The following NALCN variants were observed in gnomAD, a reference collection of about 807,000 sequenced individuals.
NALCN encodes the protein sodium leak channel NALCN.
In NALCN, 111 loss-of-function variants were observed where a neutral mutation model predicts 225.3. The ratio of observed to expected loss-of-function variants is 0.49; its 90% CI spans 0.42 to 0.58. The LOEUF (loss-of-function observed/expected upper bound fraction) is 0.58. NALCN is among the 20% of genes least tolerant of loss of function. The pLI is 0.00. For synonymous variants in NALCN, 764 were observed against 769.0 expected (o/e 0.99, Z 0.11); for missense variants, 1,378 against 2,202.4 (o/e 0.63, Z 7.49).
At chr13:101,151,546 G>A (rs1308498053) in intron 15 of NALCN, among the ~76,000 whole-genome samples, 1 of 152,034 alleles carries the variant, frequency 6.6e-6, no homozygotes, top group Non-Finnish European at 1.5e-5. Flanking sequence ...TTCAATATAG[G>A]AAAAATAACC....
At position 101,379,882 on chromosome 13, in the gene NALCN, T is replaced by C. The variant is rs552895817; in HGVS notation, c.292-1229A>G. Among the ~76,000 whole-genome samples the C allele has an allele frequency of 1.8e-4, 28 of 152,256 alleles. No individual in the cohort carries two copies. The South Asian group carries it at 5.2e-3, about 28-fold the overall frequency. ...AAGACCCAACTATCCTAACTATATA[T>C]GCACTTTACACAGGAACACCCAAAT... On this transcript the variant is annotated intron_variant, in intron 3 of 43. Coordinates refer to ENST00000251127, the MANE Select transcript of NALCN (RefSeq NM_052867.4).
At chr13:101,355,554 T>A (rs2046031380) in intron 6 of NALCN, among the ~76,000 whole-genome samples, 1 of 152,046 alleles carries the variant, frequency 6.6e-6, no homozygotes, top group African/African-American at 2.4e-5. Context: ...TAAAACAAGT[T>A]CTTAGAGATC....
chr13:101,086,508 C>G (rs958986644), intron 30 of NALCN, among the ~76,000 whole-genome samples: 2 of 151,712 alleles, frequency 1.3e-5, no homozygotes, highest in African/African-American at 4.8e-5. Flanking sequence ...TCATTATGGT[C>G]AGAAAACATT....
chr13:101,410,418 C>A (rs1054284604), intron 1 of NALCN, among the ~76,000 whole-genome samples: 1 of 152,122 alleles, frequency 6.6e-6, no homozygotes, highest in Non-Finnish European at 1.5e-5. Context: ...GCAACACAGG[C>A]AAAATATGTC....
At chr13:101,113,953 A>C (rs535087723) in intron 18 of NALCN, among the ~76,000 whole-genome samples, 1 of 152,074 alleles carries the variant, frequency 6.6e-6, no homozygotes, top group Non-Finnish European at 1.5e-5. Context: ...TGATGAACAG[A>C]ATGAGTAAGT....
chr13:101,061,475 A>G lies in NALCN; in HGVS notation c.4755+493T>C, dbSNP rs2031932930. Among the ~76,000 whole-genome samples the G allele has an allele frequency of 3.3e-5, 5 of 151,404 alleles. No individual in the cohort carries two copies. The South Asian group carries it at 1.0e-3, about 32-fold the overall frequency. On this transcript the variant is annotated intron_variant, in intron 41 of 43. Coordinates refer to ENST00000251127, the MANE Select transcript of NALCN (RefSeq NM_052867.4). ...CAGCTCACTGCAACTTCTACCTCCCAGGTTCAAGTGATTCTCATGCCTCAG... is the reference window on the plus strand; with the variant it reads ...CAGCTCACTGCAACTTCTACCTCCCGGGTTCAAGTGATTCTCATGCCTCAG...
intron 6 of NALCN, among the ~76,000 whole-genome samples, chr13:101,352,353 A>G (rs1292979112): frequency 6.6e-6 from 1 of 152,152 alleles, no homozygotes; most frequent in Non-Finnish European, 1.5e-5. Context: ...TGGAGTGACT[A>G]TTATTAAAGG....
chr13:101,350,353 T>A (rs2045873476), intron 6 of NALCN, among the ~76,000 whole-genome samples: 1 of 151,734 alleles, frequency 6.6e-6, no homozygotes, highest in African/African-American at 2.4e-5. Flanking sequence ...CTTGGAAGTC[T>A]CTCCTGTTTT....
rs1344767807 is a variant in NALCN at position 101,089,746 on chromosome 13, T to C, written c.3406A>G (p.Ile1136Val). 6.2e-7 allele frequency: 1 copy of C among 1,614,042 alleles called. No individual in the cohort carries two copies. Among genetic ancestry groups the C allele is most frequent in the Non-Finnish European group, 8.5e-7 (1 of 1,179,912 alleles). The change falls in exon 30 of 44, where the codon ATT becomes GTT. Residue 1136 changes from isoleucine to valine, a missense_variant. This residue lies in a region of NALCN where 292 missense variants were observed against 409.5 expected (regional missense o/e 0.71). Transcript: ENST00000251127. The surrounding 1 kb of genome is among the most constrained non-coding windows in gnomAD (Gnocchi z 4.7). Reference protein sequence around the residue: ...HRVGPIHGIYIHVFVFLGCMI... With the variant: ...HRVGPIHGIYVHVFVFLGCMI... The stretch of plus-strand genomic sequence containing the variant: ...CAACCCAGGAATACAAAAACATGAA[T>C]ATAGATTCCATGGATCTGCATAAAG...
intron 17 of NALCN, among the ~76,000 whole-genome samples, chr13:101,128,736 T>G (rs1311669489): frequency 2.0e-5 from 3 of 151,928 alleles, no homozygotes; most frequent in African/African-American, 7.3e-5. Context: ...TAACATTTTT[T>G]TTTTTTTAAG....
chr13:101,387,252 A>AC (rs1555345080), intron 3 of NALCN, among the ~76,000 whole-genome samples: 1 of 116,778 alleles, frequency 8.6e-6, no homozygotes, highest in African/African-American at 3.6e-5. Context: ...AAAAAAAAAA[A>AC]AACAGGTTAG....
chr13:101,196,505 C>T (rs574062195), intron 13 of NALCN, among the ~76,000 whole-genome samples: 7 of 152,218 alleles, frequency 4.6e-5, no homozygotes, highest in Non-Finnish European at 8.8e-5. Context: ...CTAGATCTTT[C>T]ATTCTTTCTA....
chr13:101,166,141 T>C (rs1270613670), intron 15 of NALCN, among the ~76,000 whole-genome samples: 4 of 152,254 alleles, frequency 2.6e-5, no homozygotes, highest in Non-Finnish European at 4.4e-5. Context: ...GTTTATCTAT[T>C]CATCCACTGG....
intron 37 of NALCN, among the ~76,000 whole-genome samples, chr13:101,072,034 A>T (rs529858939): frequency 6.6e-6 from 1 of 152,276 alleles, no homozygotes; most frequent in South Asian, 2.1e-4. Context: ...TATGACATTT[A>T]TCAATTAAAT....
At chr13:101,324,170 C>T (rs992097182) in intron 7 of NALCN, among the ~76,000 whole-genome samples, 7 of 152,058 alleles carry the variant, frequency 4.6e-5, no homozygotes, top group Admixed American at 6.6e-5. Flanking sequence ...ATTTGGTCAC[C>T]GCCAATTAGA....
intron 3 of NALCN, among the ~76,000 whole-genome samples, chr13:101,379,931 G>A (rs1022331234): frequency 1.3e-5 from 2 of 151,134 alleles, no homozygotes; most frequent in African/African-American, 4.8e-5. Flanking sequence ...TCTTAGAGAT[G>A]TTCAAAGAGA....
chr13:101,188,015 C>A (rs594082), intron 14 of NALCN, among the ~76,000 whole-genome samples: 55,064 of 151,928 alleles, frequency 0.36, 10,572 homozygotes, highest in African/African-American at 0.43. Context: ...GCAATTTGGG[C>A]AGTACCTAAG....
intron 15 of NALCN, among the ~76,000 whole-genome samples, chr13:101,166,883 T>C (rs1226141058): frequency 6.6e-6 from 1 of 152,246 alleles, no homozygotes. Flanking sequence ...CATTTTGAGC[T>C]AATTTTTATA....
intron 10 of NALCN, among the ~76,000 whole-genome samples, chr13:101,268,724 A>C (rs978546040): frequency 6.6e-6 from 1 of 152,220 alleles, no homozygotes; most frequent in African/African-American, 2.4e-5. Context: ...AATATTTAAA[A>C]CAGAACTTTT....
Sources: allele counts gnomAD v4.1 joint callset (sites outside exome capture counted in the v4.1 genomes callset), GRCh38; gene constraint gnomAD v4.1.1; regional missense constraint gnomAD v4.1.1; non-coding constraint Gnocchi (gnomAD v3.1); transcripts MANE v1.5; gene names NCBI Gene and HGNC (gene_info 2026-07-23, HGNC 2026-07-21).